Variants in SRL observed in about 807,000 individuals in gnomAD.
SRL encodes the protein sarcalumenin.
In SRL, 23 loss-of-function variants were observed where a neutral mutation model predicts 39.5. The ratio of observed to expected loss-of-function variants is 0.58; its 90% CI spans 0.42 to 0.82. The LOEUF (loss-of-function observed/expected upper bound fraction) is 0.82, where lower values mean the gene tolerates loss of function less well. Among genes scored for constraint, SRL ranks in the 40% least tolerant of loss-of-function variants. The pLI, the probability that SRL is intolerant of heterozygous loss-of-function variation, is 0.00. For synonymous variants in SRL, 272 were observed against 237.4 expected (o/e 1.15, Z -1.34); for missense variants, 592 against 607.8 (o/e 0.97, Z 0.27).
intron 2 of SRL, 105 bp downstream of exon 2, chr16:4,204,428 G>GAT: frequency 1.9e-6 from 2 of 1,073,608 alleles, no homozygotes; most frequent in Non-Finnish European, 2.8e-6. Context: ...CGGCCTCCAA[G>GAT]ATACAGCCCC....
At position 4,236,119 on chromosome 16, in the gene SRL, C is replaced by T. The variant is rs532907289; in HGVS notation, c.61+5888G>A. Among the ~76,000 whole-genome samples the T allele has an allele frequency of 5.9e-5, 9 of 152,208 alleles. No homozygotes were observed. The South Asian group carries it at 1.7e-3, about 28-fold the overall frequency. On this transcript the variant is annotated intron_variant, in intron 1 of 5. Transcript: ENST00000399609. ...ACGTAAAGAAAAATATTTTCTCTAC[C>T]TCAGTAAACCCATCTGCTTTTAAGT...
chr16:4,212,593 G>A (rs2052407746), intron 1 of SRL, among the ~76,000 whole-genome samples: 1 of 152,180 alleles, frequency 6.6e-6, no homozygotes, highest in South Asian at 2.1e-4. Context: ...GTCTATCCTG[G>A]GACATGAAGT....
At chr16:4,231,606 G>A (rs773652512) in intron 1 of SRL, among the ~76,000 whole-genome samples, 7 of 152,136 alleles carry the variant, frequency 4.6e-5, no homozygotes, top group African/African-American at 7.2e-5. Flanking sequence ...TTTAGCTGCT[G>A]ATTACGTCTA....
At chr16:4,228,243 C>T (rs1455996670) in intron 1 of SRL, among the ~76,000 whole-genome samples, 2 of 152,076 alleles carry the variant, frequency 1.3e-5, no homozygotes, top group Non-Finnish European at 2.9e-5. Context: ...TCAAGATCAG[C>T]CTGGCCAAGA....
At chr16:4,227,081 G>A (rs116781451) in intron 1 of SRL, among the ~76,000 whole-genome samples, 5,808 of 136,042 alleles carry the variant, frequency 0.043, 379 homozygotes, top group African/African-American at 0.15. Flanking sequence ...GATGATGGAT[G>A]GATGAACAGA....
At chr16:4,226,408 G>T (rs556760038) in intron 1 of SRL, among the ~76,000 whole-genome samples, 86 of 151,624 alleles carry the variant, frequency 5.7e-4, no homozygotes, top group Non-Finnish European at 9.4e-4. Context: ...ATGGATGGAT[G>T]GGATGGATGG....
chr16:4,190,774 G>T lies in SRL; in HGVS notation c.*1379C>A, dbSNP rs1001499750. 1 of 291,142 alleles carries T rather than the reference G, an allele frequency of 3.4e-6. No individual in the cohort carries two copies. The highest frequency in any genetic ancestry group is 2.2e-5 in the African/African-American group (1 of 46,282). The allele number at this position is 291,142 out of a possible 1,614,324, so 18.0% of individuals were successfully genotyped here. A position where few individuals can be genotyped will look rare whatever the true frequency, so the allele number is the denominator to read the frequency against. ...CCTTGGTGGCCACCGACACCGAGTG[G>T]CTGGTGCTGGTTCTGACTCCTAGGA... On this transcript the variant is annotated 3_prime_UTR_variant, in exon 6 of 6. Transcript: ENST00000399609.
At chr16:4,203,464 A>G (rs1362309372) in intron 2 of SRL, among the ~76,000 whole-genome samples, 1 of 152,098 alleles carries the variant, frequency 6.6e-6, no homozygotes, top group Non-Finnish European at 1.5e-5. Flanking sequence ...TCCAAATGAA[A>G]AGGCATTCTC....
intron 1 of SRL, among the ~76,000 whole-genome samples, chr16:4,233,073 C>T (rs780103473): frequency 6.6e-6 from 1 of 152,162 alleles, no homozygotes; most frequent in Non-Finnish European, 1.5e-5. Flanking sequence ...TCTGAGAGAG[C>T]GGGGAATAGG....
intron 2 of SRL, 124 bp downstream of exon 2, chr16:4,204,409 A>C (rs1259260631): frequency 4.6e-6 from 4 of 865,846 alleles, no homozygotes; most frequent in Non-Finnish European, 7.4e-6. Context: ...TCCAAGATAG[A>C]TACAGCCCCG....
chr16:4,201,751 G>C (rs2052235639), intron 3 of SRL, among the ~76,000 whole-genome samples: 2 of 137,352 alleles, frequency 1.5e-5, no homozygotes, highest in South Asian at 2.1e-4. Context: ...TGCCTCCCGG[G>C]TTCAAGCAAT....
chr16:4,215,763 C>T lies in SRL; in HGVS notation c.62-11129G>A, dbSNP rs1008452350. Among the ~76,000 whole-genome samples, 17 of 152,010 alleles carry T rather than the reference C, an allele frequency of 1.1e-4. No individual in the cohort carries two copies. In the East Asian group the frequency reaches 1.2e-3, roughly 10 times the overall value. On this transcript the variant is annotated intron_variant, in intron 1 of 5. Coordinates refer to ENST00000399609, the MANE Select transcript of SRL (RefSeq NM_001098814.2). ...CTGTAATCCCAGCACTTTGGGAGGCCGAGGTGAGAGGATCCCTAGAGCCCA... is the reference window on the plus strand; with the variant it reads ...CTGTAATCCCAGCACTTTGGGAGGCTGAGGTGAGAGGATCCCTAGAGCCCA...
At position 4,241,989 on chromosome 16, in the gene SRL, T is replaced by C. The variant is rs1225305603; in HGVS notation, c.61+18A>G. On this transcript the variant is annotated intron_variant, in intron 1 of 5. Transcript: ENST00000399609. ...TGGGGGACCAGTCTGGGCTGGGTCA[T>C]GCTGGGAGGGGCCCTACCTGCTTGT... 3.8e-5 allele frequency: 61 copies of C among 1,613,584 alleles called. No homozygotes were observed. Among genetic ancestry groups the C allele is most frequent in the Non-Finnish European group, 5.0e-5 (59 of 1,179,902 alleles).
At chr16:4,223,856 G>A (rs2052557837) in intron 1 of SRL, among the ~76,000 whole-genome samples, 1 of 152,144 alleles carries the variant, frequency 6.6e-6, no homozygotes, top group South Asian at 2.1e-4. Flanking sequence ...CACCAGTCCT[G>A]CCCCTGGGAC....
chr16:4,190,442 G>T lies in SRL; in HGVS notation c.*1711C>A, dbSNP rs553184661. On this transcript the variant is annotated 3_prime_UTR_variant, in exon 6 of 6. Coordinates refer to ENST00000399609, the MANE Select transcript of SRL (RefSeq NM_001098814.2). ...CTGGCTGTGTACAAAGGAGCCCCTC[G>T]AGGCAGCCCGGGCTGGGTCTCCTGG... is the stretch of plus-strand genomic sequence containing the variant. 2 of 398,592 alleles carry T rather than the reference G, an allele frequency of 5.0e-6. No homozygotes were observed. Among genetic ancestry groups the T allele is most frequent in the Admixed American group, 8.8e-5 (2 of 22,712 alleles). The allele number at this position is 398,592 out of a possible 1,614,324, so 24.7% of individuals were successfully genotyped here.
intron 1 of SRL, among the ~76,000 whole-genome samples, chr16:4,230,622 C>T (rs981539291): frequency 1.3e-5 from 2 of 151,724 alleles, no homozygotes; most frequent in African/African-American, 2.4e-5. Flanking sequence ...CTCCCGACCT[C>T]GTGATCCGCA....
intron 3 of SRL, among the ~76,000 whole-genome samples, chr16:4,200,212 T>A (rs2052209372): frequency 6.6e-6 from 1 of 152,084 alleles, no homozygotes; most frequent in Non-Finnish European, 1.5e-5. Flanking sequence ...TCTGTGGAAG[T>A]CAAGCCCTGG....
chr16:4,201,636 GTTT>G lies in SRL; in HGVS notation c.259+1527_259+1529del, dbSNP rs1333686772. ...CGCTGGGCCCAATTTTTGTGTGTGTGTTTTGTTTGTTTGTTTGTTTGTTTGTTT... is the reference window on the plus strand; with the variant it reads ...CGCTGGGCCCAATTTTTGTGTGTGTGTGTTTGTTTGTTTGTTTGTTTGTTT... On this transcript the variant is annotated intron_variant, in intron 3 of 5. Transcript: ENST00000399609. Among the ~76,000 whole-genome samples the G allele has an allele frequency of 3.5e-4, 17 of 48,884 alleles. 2 individuals carry two copies. The highest frequency in any genetic ancestry group is 5.2e-4 in the Non-Finnish European group (13 of 24,764). 32.1% of individuals were successfully genotyped at this position (48,884 alleles called of 152,430 possible). A position where few individuals can be genotyped will look rare whatever the true frequency, so the allele number is the denominator to read the frequency against.
chr16:4,224,472 G>A (rs537289760), intron 1 of SRL, among the ~76,000 whole-genome samples: 13 of 152,132 alleles, frequency 8.5e-5, no homozygotes, highest in Non-Finnish European at 1.9e-4. Flanking sequence ...TTGGGAGGCC[G>A]AGACGGGAGG....
Sources: gnomAD v4.1 joint callset for allele counts (sites outside exome capture counted in the v4.1 genomes callset) on GRCh38, gnomAD v4.1.1 for gene constraint, MANE v1.5 for transcripts, NCBI Gene and HGNC (gene_info 2026-07-23, HGNC 2026-07-21) for gene names.